The following NLRP14 variants were observed in gnomAD, a reference collection of about 807,000 sequenced individuals.
NLRP14 encodes the protein NLR family pyrin domain containing 14, also known as NACHT, LRR and PYD domains-containing protein 14.
NLRP14 carries 105 observed loss-of-function variants against 94.7 expected under a neutral mutation model. The ratio of observed to expected loss-of-function variants is 1.11; its 90% CI spans 0.95 to 1.30. The LOEUF (loss-of-function observed/expected upper bound fraction) is 1.30. Among genes scored for constraint, NLRP14 ranks in the 50% most tolerant of loss-of-function variants. The pLI is 0.00. For synonymous variants in NLRP14, 508 were observed against 459.9 expected, an observed-to-expected ratio of 1.10 and a Z score of -1.34; for missense variants, 1,362 against 1,254.1, an observed-to-expected ratio of 1.09 and a Z score of -1.30.
At chr11:7,064,176 C>T (rs940835383) in intron 10 of NLRP14, among the ~76,000 whole-genome samples, 3 of 152,128 alleles carry the variant, frequency 2.0e-5, no homozygotes, top group Admixed American at 6.5e-5. Flanking sequence ...TCAAGAGAAG[C>T]TTGCAGATTT....
intron 3 of NLRP14, among the ~76,000 whole-genome samples, chr11:7,041,807 G>T (rs1478137747): frequency 6.6e-6 from 1 of 152,154 alleles, no homozygotes; most frequent in Non-Finnish European, 1.5e-5. Context: ...TTTTAATAGA[G>T]ATCTAAAGGA....
chr11:7,077,555 T>C, the NLRP14 span, among the ~76,000 whole-genome samples: 1 of 152,242 alleles, frequency 6.6e-6, no homozygotes, highest in East Asian at 1.9e-4. Flanking sequence ...TTAGTCCGTT[T>C]TCAGGCTGCA....
intron 4 of NLRP14, among the ~76,000 whole-genome samples, chr11:7,044,324 C>G (rs1213253539): frequency 3.3e-5 from 5 of 152,158 alleles, no homozygotes; most frequent in African/African-American, 1.2e-4. Context: ...CACAAACTTG[C>G]ATCCATGATA....
At chr11:7,047,478 T>A (rs578209688) in intron 5 of NLRP14, among the ~76,000 whole-genome samples, 86 of 151,952 alleles carry the variant, frequency 5.7e-4, no homozygotes, top group South Asian at 1.5e-3. Flanking sequence ...TATTTTTTTT[T>A]AATTTTTTGT....
At position 7,052,590 on chromosome 11, in the gene NLRP14, C is replaced by T. The variant is rs143914746; in HGVS notation, c.2291+2752C>T. Among the ~76,000 whole-genome samples, 33 of 152,102 alleles carry T rather than the reference C, an allele frequency of 2.2e-4. 1 individual carries two copies. The highest frequency in any genetic ancestry group is 7.0e-4 in the African/African-American group (29 of 41,478). ...CGGAGGTTGCAGTGAGCCAAGATGG[C>T]GCCACTGCACTCCAGTCTGGGCAAC... is the stretch of plus-strand genomic sequence containing the variant. On this transcript the variant is annotated intron_variant, in intron 6 of 11. Coordinates refer to ENST00000299481, the MANE Select transcript of NLRP14 (RefSeq NM_176822.4).
chr11:7,020,751 A>G lies in NLRP14; in HGVS notation c.-41A>G, dbSNP rs541145967. ...CACCTCACTAGCCCTGGCACTAGCT[A>G]GCATCGCTCTAAACTCAAGGTTAGA... On this transcript the variant is annotated 5_prime_UTR_variant, in exon 1 of 12. Coordinates refer to ENST00000299481, the MANE Select transcript of NLRP14 (RefSeq NM_176822.4). 2 of 152,408 alleles carry G rather than the reference A, an allele frequency of 1.3e-5. No individual in the cohort carries two copies. Among genetic ancestry groups the G allele is most frequent in the South Asian group, 4.1e-4 (2 of 4,830 alleles). The allele number at this position is 152,408 out of a possible 1,614,324, so 9.4% of individuals were successfully genotyped here.
chr11:7,047,801 C>T (rs1440296490), intron 5 of NLRP14, among the ~76,000 whole-genome samples: 4 of 135,192 alleles, frequency 3.0e-5, no homozygotes, highest in Admixed American at 1.6e-4. Context: ...TGCTCTGTCA[C>T]CAGGCTGGAG....
rs758421727 is a variant in NLRP14, at chr11:7,062,459, G to T, written c.2931G>T (p.Leu977=). The T allele has an allele frequency of 6.2e-7, 1 of 1,613,200 alleles. No homozygotes were observed. Among genetic ancestry groups the T allele is most frequent in the Non-Finnish European group, 8.5e-7 (1 of 1,179,372 alleles). Residue 977 remains leucine (L), a synonymous_variant, in exon 10 of 12, where the codon CTG becomes CTT. Transcript: ENST00000299481. The part of the protein sequence containing the change: ...NDLQDDGVKI[L]CDALRYPNCN... ...TGCAGGATGATGGAGTGAAAATTCT[G>T]TGTGATGCTTTGAGATATCCAAACT...
In NLRP14 at chr11:7,062,416, ACCT is replaced by A. The variant is rs1426482962; in HGVS notation, c.2889_2891del (p.Leu964del). The A allele has an allele frequency of 1.9e-6, 3 of 1,613,238 alleles. No individual in the cohort carries two copies. In the Admixed American group the frequency reaches 5.0e-5, roughly 27 times the overall value. On this transcript the variant is annotated inframe_deletion, in exon 10 of 12. Transcript: ENST00000299481. ...AATAACCCAAACCTGAGGAGCCTGG[ACCT>A]TGGGAACAACGATTTGCAGGATGAT...
At position 7,043,117 on chromosome 11, in the gene NLRP14, G is replaced by C. The variant is rs376841964; in HGVS notation, c.1091G>C (p.Ser364Thr). 1 of 1,614,178 alleles carries C rather than the reference G, an allele frequency of 6.2e-7. No homozygotes were observed. Among genetic ancestry groups the C allele is most frequent in the East Asian group, 2.2e-5 (1 of 44,886 alleles). Reference sequence around the variant, plus strand: ...CTAAAAAGCAATGAGATGCTGTTTAGCATGTGCCAAGTCCCCCTAGTGTGC... The same window carrying C: ...CTAAAAAGCAATGAGATGCTGTTTACCATGTGCCAAGTCCCCCTAGTGTGC... ...SSLKSNEMLF[S>T]MCQVPLVCWA... Residue 364 changes from serine (S) to threonine (T), a missense_variant, in exon 4 of 12, where the codon AGC becomes ACC. Ser to Thr is a moderately conservative substitution (Grantham distance 58). Transcript: ENST00000299481.
chr11:7,050,705 T>C (rs1293062493), intron 6 of NLRP14, among the ~76,000 whole-genome samples: 1 of 152,146 alleles, frequency 6.6e-6, no homozygotes, highest in Non-Finnish European at 1.5e-5. Context: ...TTTTAAAAAC[T>C]CTTATCGGTT....
At chr11:7,044,108 T>A in intron 4 of NLRP14, 124 bp downstream of exon 4, 1 of 952,968 alleles carries the variant, frequency 1.0e-6, no homozygotes, top group Non-Finnish European at 1.6e-6. Flanking sequence ...TTGTCCCATC[T>A]TGAGGCAGGG....
At chr11:7,034,377 C>T (rs1379313157) in intron 1 of NLRP14, among the ~76,000 whole-genome samples, 5 of 152,096 alleles carry the variant, frequency 3.3e-5, no homozygotes, top group African/African-American at 4.8e-5. Context: ...GAGATGCTAT[C>T]GGCTCATCGT....
chr11:7,044,658 C>T (rs1167983647), intron 4 of NLRP14, among the ~76,000 whole-genome samples: 2 of 152,148 alleles, frequency 1.3e-5, no homozygotes, highest in Non-Finnish European at 2.9e-5. Flanking sequence ...GTTGCCTTTT[C>T]TGACTACCCA....
At position 7,042,768 on chromosome 11, in the gene NLRP14, A is replaced by G. The variant is rs200491713; in HGVS notation, c.742A>G (p.Met248Val). 54 of 1,614,234 alleles carry G rather than the reference A, an allele frequency of 3.3e-5. No individual in the cohort carries two copies. The highest frequency in any genetic ancestry group is 1.6e-4 in the Middle Eastern group (1 of 6,062). Residue 248 changes from methionine (M) to valine (V), a missense_variant, in exon 4 of 12, where the codon ATG (methionine) becomes GTG (valine). Met to Val is a conservative substitution (Grantham distance 21). Coordinates refer to ENST00000299481, the MANE Select transcript of NLRP14 (RefSeq NM_176822.4). ...CACAGAAGGCCCCATTGAAGAAATC[A>G]TGTACCAGCCAAGTAGCCTCTTGTT... ...PSTEGPIEEI[M>V]YQPSSLLFII...
chr11:7,074,454 G>A (rs1050693893), downstream of NLRP14, among the ~76,000 whole-genome samples: 2 of 152,204 alleles, frequency 1.3e-5, no homozygotes, highest in Non-Finnish European at 1.5e-5. Context: ...ATAGCCTTGG[G>A]CTGCAGTCAT....
the NLRP14 span, among the ~76,000 whole-genome samples, chr11:7,082,148 G>C: frequency 6.6e-6 from 1 of 152,162 alleles, no homozygotes. Flanking sequence ...TTACATCACA[G>C]GATACCCCTT....
At chr11:7,024,502 C>T (rs1851987503) in intron 1 of NLRP14, among the ~76,000 whole-genome samples, 1 of 152,156 alleles carries the variant, frequency 6.6e-6, no homozygotes, top group Non-Finnish European at 1.5e-5. Flanking sequence ...TGAGCTGTGC[C>T]TTCCCTGAAA....
At chr11:7,054,525 T>C (rs1852492069) in intron 6 of NLRP14, among the ~76,000 whole-genome samples, 1 of 152,186 alleles carries the variant, frequency 6.6e-6, no homozygotes, top group Non-Finnish European at 1.5e-5. Flanking sequence ...AATTTCTCAT[T>C]GTAGTTTTGA....
Sources: gnomAD v4.1 joint callset for allele counts (sites outside exome capture counted in the v4.1 genomes callset) on GRCh38, gnomAD v4.1.1 for gene constraint, MANE v1.5 for transcripts, NCBI Gene and HGNC (gene_info 2026-07-23, HGNC 2026-07-21) for gene names.